URB1: variants seen among roughly 807,000 people sequenced by gnomAD.
The protein encoded by URB1 is nucleolar pre-ribosomal-associated protein 1.
A neutral mutation model predicts 242.3 loss-of-function variants in URB1; 197 were observed. The ratio of observed to expected loss-of-function variants is 0.81; its 90% confidence interval spans 0.72 to 0.91. URB1 has a LOEUF of 0.91. Among genes scored for constraint, URB1 ranks in the 40% least tolerant of loss-of-function variants. The pLI is 0.00. For synonymous variants in URB1, 1,153 were observed against 1,201.8 expected (o/e 0.96, Z 0.84); for missense variants, 2,721 against 2,860.5 (o/e 0.95, Z 1.11).
chr21:32,390,268 ATAC>A (rs1194272998), intron 1 of URB1, among the ~76,000 whole-genome samples: 4 of 152,146 alleles, frequency 2.6e-5, no homozygotes, highest in African/African-American at 7.2e-5. Flanking sequence ...TGAAATATAG[ATAC>A]TACATCTTTT....
At chr21:32,327,066 C>A (rs372877018) in intron 30 of URB1, among the ~76,000 whole-genome samples, 68 of 150,836 alleles carry the variant, frequency 4.5e-4, no homozygotes, top group African/African-American at 1.6e-3. Context: ...GAAATCTGAC[C>A]AAAAAAAACT....
chr21:32,390,573 G>A (rs1488977085), intron 1 of URB1, among the ~76,000 whole-genome samples: 4 of 151,918 alleles, frequency 2.6e-5, no homozygotes, highest in South Asian at 2.1e-4. Flanking sequence ...TCTGTAGGTC[G>A]CCTGTTCACT....
At chr21:32,388,562 C>A (rs148561389) in intron 1 of URB1, among the ~76,000 whole-genome samples, 44 of 152,310 alleles carry the variant, frequency 2.9e-4, no homozygotes, top group African/African-American at 9.9e-4. Flanking sequence ...CCATTGCTGC[C>A]GTCTGCAGCG....
In URB1 at chr21:32,363,153, T is replaced by A. The variant is rs367992818; in HGVS notation, c.1509+3A>T. 1.4e-5 allele frequency: 21 copies of A among 1,551,004 alleles called. No individual in the cohort carries two copies. The highest frequency in any genetic ancestry group is 1.8e-5 in the Non-Finnish European group (21 of 1,146,806). ...GAAAGCCCAAACCCAGATCAGAGCCTACCTTGCTCAGGGCTTCTCTGAAGA... is the reference window on the plus strand; with the variant it reads ...GAAAGCCCAAACCCAGATCAGAGCCAACCTTGCTCAGGGCTTCTCTGAAGA... On this transcript the variant is annotated splice_donor_region_variant and intron_variant, in intron 11 of 38. Transcript: ENST00000382751.
chr21:32,347,069 C>A lies in URB1; in HGVS notation c.3755G>T (p.Cys1252Phe). The change falls in exon 22 of 39, where the codon TGC (cysteine) becomes TTC (phenylalanine). Residue 1252 changes from cysteine to phenylalanine, a missense_variant. Transcript: ENST00000382751. ...GCCGAGCCCTGGGCCAGCCTGCAGGCACCACTGCTCGAACCACAGCAAGTG... is the reference window on the plus strand; with the variant it reads ...GCCGAGCCCTGGGCCAGCCTGCAGGAACCACTGCTCGAACCACAGCAAGTG... Reference protein sequence around the residue: ...CTHLLWFEQWCLQAGPGLGLQ... With the variant: ...CTHLLWFEQWFLQAGPGLGLQ... 1 of 1,550,500 alleles carries A rather than the reference C, an allele frequency of 6.4e-7. No homozygotes were observed. The highest frequency in any genetic ancestry group is 8.7e-7 in the Non-Finnish European group (1 of 1,146,570).
chr21:32,360,592 C>T (rs1027602622), intron 13 of URB1, among the ~76,000 whole-genome samples: 1 of 152,196 alleles, frequency 6.6e-6, no homozygotes, highest in Non-Finnish European at 1.5e-5. Context: ...AAGTTTGAAC[C>T]TGACTCAGTG....
At chr21:32,321,063 C>T (rs1447530200) in intron 34 of URB1, among the ~76,000 whole-genome samples, 1 of 152,222 alleles carries the variant, frequency 6.6e-6, no homozygotes, top group Non-Finnish European at 1.5e-5. Context: ...ATGGGATGGT[C>T]CCCTGACTTG....
In URB1 at chr21:32,316,553, C is replaced by T. The variant is rs892139619; in HGVS notation, c.6547G>A (p.Ala2183Thr). 8 of 1,551,172 alleles carry T rather than the reference C, an allele frequency of 5.2e-6. No individual in the cohort carries two copies. The highest frequency in any genetic ancestry group is 2.7e-5 in the African/African-American group (2 of 73,190). ...AAGGGGCTCCCTGCCCGGCCCTGGG[C>T]AGCCACCAGCTGCAGCATGACCGTA... ...FNTVMLQLVA[A>T]QGRAGSPFHP... Residue 2183 changes from alanine (A) to threonine (T), a missense_variant, in exon 38 of 39, where the codon GCC (alanine) becomes ACC (threonine). By Grantham distance (58) the Ala-to-Thr change is moderately conservative. Transcript: ENST00000382751.
At chr21:32,337,909 C>T (rs1407448905) in intron 26 of URB1, among the ~76,000 whole-genome samples, 2 of 152,046 alleles carry the variant, frequency 1.3e-5, no homozygotes, top group African/African-American at 4.8e-5. Flanking sequence ...CTGCGCATTC[C>T]CCCTCCCAAA....
At chr21:32,349,632 A>G (rs1601138233) in intron 20 of URB1, 149 bp from the exon 21 acceptor site, 1 of 708,800 alleles carries the variant, frequency 1.4e-6, no homozygotes, top group Non-Finnish European at 2.2e-6. Flanking sequence ...GACACCCATC[A>G]ATGCAATGCC....
At chr21:32,337,291 TCTCA>T (rs1719108006) in intron 27 of URB1, 109 bp downstream of exon 27, 2 of 1,333,992 alleles carry the variant, frequency 1.5e-6, no homozygotes, top group African/African-American at 1.5e-5. Context: ...CACCGCCTGG[TCTCA>T]CTGTCTCCTC....
At chr21:32,321,704 G>C in intron 34 of URB1, 97 bp downstream of exon 34, 1 of 1,501,670 alleles carries the variant, frequency 6.7e-7, no homozygotes, top group South Asian at 1.3e-5. Flanking sequence ...TCGTGTCCAG[G>C]CTGGGAACTG....
At chr21:32,361,179 G>GAAAGAAAGA (rs1406539550) in intron 12 of URB1, 56 bp from the exon 13 acceptor site, 1 of 761,830 alleles carries the variant, frequency 1.3e-6, no homozygotes, top group Non-Finnish European at 2.0e-6. Context: ...AAGAAAGAAA[G>GAAAGAAAGA]AAAGAAAGAA....
Position 32,314,735 on chromosome 21 carries a change from T to C in URB1, c.*183A>G. Reference sequence around the variant, plus strand: ...TGCTGGGCACCTACAGGCCCGAGTTTATCATTTACTGGGCAGTTCAATAAA... The same window carrying C: ...TGCTGGGCACCTACAGGCCCGAGTTCATCATTTACTGGGCAGTTCAATAAA... On this transcript the variant is annotated 3_prime_UTR_variant, in exon 39 of 39. Transcript: ENST00000382751. 6.7e-7 allele frequency: 1 copy of C among 1,484,578 alleles called. No homozygotes were observed. Among genetic ancestry groups the C allele is most frequent in the Non-Finnish European group, 9.3e-7 (1 of 1,069,972 alleles). The allele number at this position is 1,484,578 out of a possible 1,614,324, so 92.0% of individuals were successfully genotyped here. A position where few individuals can be genotyped will look rare whatever the true frequency, so the allele number is the denominator to read the frequency against.
rs1445075026 is a variant in URB1, at chr21:32,344,678, CA to C, written c.4148del (p.Leu1383TrpfsTer5). 7 of 1,552,208 alleles carry C rather than the reference CA, an allele frequency of 4.5e-6. No homozygotes were observed. The highest frequency in any genetic ancestry group is 6.1e-6 in the Non-Finnish European group (7 of 1,147,160). On this transcript the variant is annotated frameshift_variant, in exon 24 of 39. Coordinates refer to ENST00000382751, the MANE Select transcript of URB1 (RefSeq NM_014825.3). LOFTEE classifies it high-confidence loss of function. ...EELCAWRRTL[L>X]ESCVKWLIVS... Reference sequence around the variant, plus strand: ...CGATCAGCCACTTCACACAGGACTCCAAAAGGGTCCTTCTCCAGGCACACAG... The same window carrying C: ...CGATCAGCCACTTCACACAGGACTCCAAAGGGTCCTTCTCCAGGCACACAG...
At chr21:32,337,793 G>C (rs2032979393) in intron 26 of URB1, among the ~76,000 whole-genome samples, 1 of 151,754 alleles carries the variant, frequency 6.6e-6, no homozygotes, top group Non-Finnish European at 1.5e-5. Context: ...AAAGTGCTGG[G>C]ATCAGAGGCA....
chr21:32,357,431 C>A lies in URB1; in HGVS notation c.1989+106G>T. ...AAACCTTCTATTTTAAAACTAAAAA[C>A]AATTCCAATACCTCCTGAATTCAAT... On this transcript the variant is annotated intron_variant, in intron 15 of 38. Coordinates refer to ENST00000382751, the MANE Select transcript of URB1 (RefSeq NM_014825.3). The A allele has an allele frequency of 1.1e-5, 12 of 1,115,682 alleles. No homozygotes were observed. The South Asian group carries it at 1.2e-4, about 11-fold the overall frequency. 69.1% of individuals were successfully genotyped at this position (1,115,682 alleles called of 1,614,324 possible).
chr21:32,373,668 A>C lies in URB1; in HGVS notation c.855T>G (p.Asp285Glu), dbSNP rs535953099. 7.1e-6 allele frequency: 11 copies of C among 1,540,058 alleles called. No individual in the cohort carries two copies. Among genetic ancestry groups the C allele is most frequent in the Non-Finnish European group, 8.7e-6 (10 of 1,143,536 alleles). ...ASLYNWNGIT[D>E]VNPENVKVSA... ...GCACCTTGACATTTTCTGGGTTCAC[A>C]TCGGTAATCCCATTCCAGTTGTACA... The change falls in exon 7 of 39, where the codon GAT becomes GAG. Residue 285 changes from aspartate to glutamate, a missense_variant. Transcript: ENST00000382751.
chr21:32,341,210 T>TG (rs1486100808), intron 25 of URB1, among the ~76,000 whole-genome samples: 1 of 152,206 alleles, frequency 6.6e-6, no homozygotes, highest in African/African-American at 2.4e-5. Flanking sequence ...GTATTAAATG[T>TG]GGGGGCTACT....
Sources: gnomAD v4.1 joint callset for allele counts (sites outside exome capture counted in the v4.1 genomes callset) on GRCh38, gnomAD v4.1.1 for gene constraint, MANE v1.5 for transcripts, NCBI Gene and HGNC (gene_info 2026-07-23, HGNC 2026-07-21) for gene names.